The following PAQR7 variants were observed in gnomAD, a reference collection of about 807,000 sequenced individuals.
The protein encoded by PAQR7 is membrane progestin receptor alpha.
Under a neutral mutation model 24.6 loss-of-function variants are expected in PAQR7, and 14 were observed. The ratio of observed to expected loss-of-function variants is 0.57; its 90% confidence interval spans 0.38 to 0.89. PAQR7 has a LOEUF of 0.89. PAQR7 is among the 40% of genes least tolerant of loss of function. PAQR7 has a pLI of 0.00. For synonymous variants in PAQR7, 189 were observed against 198.8 expected (o/e 0.95, Z 0.42); for missense variants, 351 against 444.0 (o/e 0.79, Z 1.88).
At chr1:25,873,196 C>T (rs773634352) in intron 1 of PAQR7, among the ~76,000 whole-genome samples, 3 of 152,228 alleles carry the variant, frequency 2.0e-5, no homozygotes, top group African/African-American at 7.2e-5. Context: ...AGAACTTTCA[C>T]ACACATTTTA....
chr1:25,863,594 GGCCGCCA>G lies in PAQR7; in HGVS notation c.239_245del (p.Leu80ProfsTer252). On this transcript the variant is annotated frameshift_variant, in exon 3 of 3. Transcript: ENST00000675840. LOFTEE classifies it high-confidence loss of function. This position sits in a 1 kb window ranked among gnomAD's most constrained non-coding sequence, Gnocchi z 6.1. ...GGGCCAGCCGCAGCAGCAGTACCAG[GGCCGCCA>G]GCAGGTGGGTCCAGACATTCACGGC... The G allele has an allele frequency of 6.2e-7, 1 of 1,614,246 alleles. No homozygotes were observed. The highest frequency in any genetic ancestry group is 1.1e-5 in the South Asian group (1 of 91,082).
intron 2 of PAQR7, among the ~76,000 whole-genome samples, chr1:25,870,288 G>A (rs1197467552): frequency 6.6e-6 from 1 of 152,132 alleles, no homozygotes; most frequent in Non-Finnish European, 1.5e-5. Context: ...GGTACCTGGG[G>A]GTTTCTCTCA....
intron 1 of PAQR7, among the ~76,000 whole-genome samples, chr1:25,872,509 ATTT>A (rs55654329): frequency 0.024 from 2,663 of 108,874 alleles, 59 homozygotes; most frequent in African/African-American, 0.078. Context: ...ACACCACAGG[ATTT>A]TTTTTTTTTT....
intron 1 of PAQR7, among the ~76,000 whole-genome samples, chr1:25,874,627 G>A (rs1250074348): frequency 6.6e-6 from 1 of 152,180 alleles, no homozygotes; most frequent in Non-Finnish European, 1.5e-5. Flanking sequence ...CTCAGACTTG[G>A]GGTCCTGGGC....
chr1:25,871,429 T>A (rs1413058695), intron 1 of PAQR7, among the ~76,000 whole-genome samples: 1 of 152,136 alleles, frequency 6.6e-6, no homozygotes, highest in Non-Finnish European at 1.5e-5. Context: ...GGCCTGGACA[T>A]GTCTTGCAGA....
At position 25,875,533 on chromosome 1, in the gene PAQR7, G is replaced by A. The variant is rs983913040; in HGVS notation, c.-154C>T. Among the ~76,000 whole-genome samples, 1 of 152,084 alleles carries A rather than the reference G, an allele frequency of 6.6e-6. No homozygotes were observed. Among genetic ancestry groups the A allele is most frequent in the Admixed American group, 6.5e-5 (1 of 15,278 alleles). ...GAGGGCCGCGGGGGCCGGGTCGGCG[G>A]AGCTGGCAGATAAAAGAGCAGCCGG... On this transcript the variant is annotated 5_prime_UTR_variant, in exon 1 of 3. Transcript: ENST00000675840. This position sits in a 1 kb window ranked among gnomAD's most constrained non-coding sequence, Gnocchi z 5.4.
At chr1:25,874,820 G>A (rs979875809) in intron 1 of PAQR7, among the ~76,000 whole-genome samples, 2 of 152,168 alleles carry the variant, frequency 1.3e-5, no homozygotes, top group African/African-American at 4.8e-5. Flanking sequence ...GTGTGTGGGG[G>A]ACCCCCAGGC....
rs2048513892 is a variant in PAQR7, at chr1:25,861,909, G to A, written c.*890C>T. 6.6e-6 allele frequency: 1 copy of A among 150,494 alleles called. No homozygotes were observed. The highest frequency in any genetic ancestry group is 1.5e-5 in the Non-Finnish European group (1 of 68,018). The allele number at this position is 150,494 out of a possible 1,614,324, so 9.3% of individuals were successfully genotyped here. A position where few individuals can be genotyped will look rare whatever the true frequency, so the allele number is the denominator to read the frequency against. ...TGCATGCCTGTAACCCCAGCTACTCGGGAGGCTGAGGCAGGAAAATCGCTT... is the reference window on the plus strand; with the variant it reads ...TGCATGCCTGTAACCCCAGCTACTCAGGAGGCTGAGGCAGGAAAATCGCTT... On this transcript the variant is annotated 3_prime_UTR_variant, in exon 3 of 3. Transcript: ENST00000675840.
chr1:25,874,544 G>A (rs144663801), intron 1 of PAQR7, among the ~76,000 whole-genome samples: 22 of 152,300 alleles, frequency 1.4e-4, no homozygotes, highest in African/African-American at 5.1e-4. Flanking sequence ...GAGAGGGGCA[G>A]CCTCTCAACA....
rs781270056 is a variant in PAQR7 at position 25,863,786 on chromosome 1, G to A, written c.54C>T (p.Ile18=). Residue 18 remains isoleucine, a synonymous_variant, in exon 3 of 3, where the codon ATC becomes ATT. Transcript: ENST00000675840. This position sits in a 1 kb window ranked among gnomAD's most constrained non-coding sequence, Gnocchi z 6.1. ...GCTGCAGAGATAGCTGAGGCTCCTGGATGACCTGCCGCAGACTCGGCAGGA... is the reference window on the plus strand; with the variant it reads ...GCTGCAGAGATAGCTGAGGCTCCTGAATGACCTGCCGCAGACTCGGCAGGA... ...SHLLPSLRQV[I]QEPQLSLQPE... 6.2e-7 allele frequency: 1 copy of A among 1,613,590 alleles called. No homozygotes were observed. Among genetic ancestry groups the A allele is most frequent in the Admixed American group, 1.7e-5 (1 of 60,000 alleles).
intron 1 of PAQR7, among the ~76,000 whole-genome samples, chr1:25,873,637 C>T (rs1249601434): frequency 6.6e-6 from 1 of 152,028 alleles, no homozygotes; most frequent in Non-Finnish European, 1.5e-5. Context: ...AAGTGCAGTG[C>T]AGCCATCACT....
chr1:25,865,048 C>T (rs1235993981), intron 2 of PAQR7, among the ~76,000 whole-genome samples: 2 of 149,844 alleles, frequency 1.3e-5, no homozygotes, highest in African/African-American at 4.9e-5. Flanking sequence ...CCCAGCTGCT[C>T]GGGAGGCTGA....
chr1:25,873,643 T>C (rs1421864679), intron 1 of PAQR7, among the ~76,000 whole-genome samples: 1 of 152,108 alleles, frequency 6.6e-6, no homozygotes, highest in Non-Finnish European at 1.5e-5. Context: ...AGTGCAGCCA[T>C]CACTGCAGCC....
chr1:25,868,560 A>C (rs1190564618), intron 2 of PAQR7, among the ~76,000 whole-genome samples: 1 of 151,842 alleles, frequency 6.6e-6, no homozygotes, highest in Non-Finnish European at 1.5e-5. Flanking sequence ...AAATACAAAA[A>C]TTCGCCAGGT....
At chr1:25,869,717 A>G (rs539601177) in intron 2 of PAQR7, among the ~76,000 whole-genome samples, 1 of 152,238 alleles carries the variant, frequency 6.6e-6, no homozygotes, top group Admixed American at 6.5e-5. Flanking sequence ...TCTGCATCCT[A>G]CAGAACAACT....
intron 1 of PAQR7, among the ~76,000 whole-genome samples, chr1:25,872,225 T>C (rs1299894323): frequency 6.6e-6 from 1 of 152,188 alleles, no homozygotes; most frequent in Non-Finnish European, 1.5e-5. Context: ...CAGTGCTGGC[T>C]CTGCCGTTTC....
rs2048534260 is a variant in PAQR7 at position 25,863,799 on chromosome 1, A to C, written c.41T>G (p.Leu14Arg). ...CTGAGGCTCCTGGATGACCTGCCGC[A>C]GACTCGGCAGGAGGTGGCTGAGTTT... ...AQKLSHLLPS[L>R]RQVIQEPQLS... The change falls in exon 3 of 3, where the codon CTG becomes CGG. Residue 14 changes from leucine (L) to arginine (R), a missense_variant. By Grantham distance (102) the Leu-to-Arg change is moderately radical. Transcript: ENST00000675840. This position sits in a 1 kb window ranked among gnomAD's most constrained non-coding sequence, Gnocchi z 6.1. 6.2e-7 allele frequency: 1 copy of C among 1,613,278 alleles called. No individual in the cohort carries two copies. The highest frequency in any genetic ancestry group is 1.1e-5 in the South Asian group (1 of 91,056).
chr1:25,870,507 T>G (rs560318468), intron 2 of PAQR7, 102 bp downstream of exon 2: 3 of 152,328 alleles, frequency 2.0e-5, no homozygotes, highest in Admixed American at 6.5e-5. Context: ...TGCTAAACTG[T>G]GTGCCTTCCT....
At chr1:25,865,537 T>C (rs2048550001) in intron 2 of PAQR7, among the ~76,000 whole-genome samples, 1 of 150,430 alleles carries the variant, frequency 6.6e-6, no homozygotes, top group East Asian at 2.0e-4. Context: ...AGGCCGGGCA[T>C]GGTGGCTCAC....
Sources: gnomAD v4.1 joint callset for allele counts (sites outside exome capture counted in the v4.1 genomes callset) on GRCh38, gnomAD v4.1.1 for gene constraint, Gnocchi (gnomAD v3.1) non-coding constraint, MANE v1.5 for transcripts, NCBI Gene and HGNC (gene_info 2026-07-23, HGNC 2026-07-21) for gene names.